GLIS3: variants seen among roughly 807,000 people sequenced by gnomAD.
The protein encoded by GLIS3 is zinc finger protein GLIS3.
Under a neutral mutation model 78.6 loss-of-function variants are expected in GLIS3, and 53 were observed. That is an observed-to-expected ratio of 0.67 (90% CI 0.54 to 0.85). GLIS3 has a LOEUF of 0.85. GLIS3 is among the 40% of genes least tolerant of loss of function. The probability of loss-of-function intolerance (pLI) is 0.00; values close to 1 mark genes in which losing one functional copy is unlikely to be tolerated. For synonymous variants in GLIS3, 684 were observed against 509.9 expected (o/e 1.34, Z -4.60); for missense variants, 1,703 against 1,231.1 (o/e 1.38, Z -5.74).
chr9:4,220,236 T>C (rs1821201839), intron 2 of GLIS3, among the ~76,000 whole-genome samples: 1 of 152,186 alleles, frequency 6.6e-6, no homozygotes, highest in Admixed American at 6.5e-5. Flanking sequence ...GTACAACCAA[T>C]AAATTTAGAA....
chr9:4,437,603 C>T, the GLIS3 span, among the ~76,000 whole-genome samples: 40 of 152,298 alleles, frequency 2.6e-4, no homozygotes, highest in African/African-American at 8.9e-4. Flanking sequence ...TAGTTGACCT[C>T]TGAACAACAT....
At chr9:4,359,026 T>C in the GLIS3 span, among the ~76,000 whole-genome samples, 37 of 152,230 alleles carry the variant, frequency 2.4e-4, no homozygotes, top group Non-Finnish European at 4.6e-4. Flanking sequence ...TGGTGGCTTG[T>C]AGAGGCAGAG....
chr9:4,069,023 G>C (rs1827358597), intron 4 of GLIS3, among the ~76,000 whole-genome samples: 1 of 152,138 alleles, frequency 6.6e-6, no homozygotes, highest in South Asian at 2.1e-4. Flanking sequence ...TAAGTGGCTT[G>C]TTCATGTCAG....
chr9:4,298,248 C>A, intron 1 of GLIS3: 1 of 303,484 alleles, frequency 3.3e-6, no homozygotes. Flanking sequence ...CCCACGCCGG[C>A]CCCCCGGTCC....
At chr9:4,478,225 G>C in the GLIS3 span, among the ~76,000 whole-genome samples, 1 of 152,168 alleles carries the variant, frequency 6.6e-6, no homozygotes, top group East Asian at 1.9e-4. Context: ...GGGATGATTT[G>C]AGCGTGGGAA....
At chr9:4,072,218 T>A (rs532192078) in intron 4 of GLIS3, among the ~76,000 whole-genome samples, 1 of 152,334 alleles carries the variant, frequency 6.6e-6, no homozygotes, top group African/African-American at 2.4e-5. Context: ...TTCTTAGAGG[T>A]CACCTTGATA....
intron 2 of GLIS3, among the ~76,000 whole-genome samples, chr9:4,166,744 A>G (rs1431290589): frequency 6.6e-6 from 1 of 152,252 alleles, no homozygotes; most frequent in Non-Finnish European, 1.5e-5. Context: ...TGAAGGCATA[A>G]GTGAACAGAG....
At chr9:4,160,039 C>T (rs143306767) in intron 2 of GLIS3, among the ~76,000 whole-genome samples, 116 of 152,210 alleles carry the variant, frequency 7.6e-4, no homozygotes, top group African/African-American at 2.6e-3. Flanking sequence ...ATAATGCAAA[C>T]GAACTTTTCC....
intron 6 of GLIS3, among the ~76,000 whole-genome samples, chr9:3,905,931 A>G (rs950178029): frequency 6.6e-6 from 1 of 152,060 alleles, no homozygotes; most frequent in African/African-American, 2.4e-5. Context: ...CCCACATGCT[A>G]TTCTAGATGT....
At chr9:4,205,319 T>C (rs1347520584) in intron 2 of GLIS3, among the ~76,000 whole-genome samples, 1 of 152,192 alleles carries the variant, frequency 6.6e-6, no homozygotes, top group Non-Finnish European at 1.5e-5. Flanking sequence ...GTGATCTGGA[T>C]TTACAGCTCC....
At chr9:3,925,420 G>A (rs890307574) in intron 6 of GLIS3, among the ~76,000 whole-genome samples, 2 of 152,166 alleles carry the variant, frequency 1.3e-5, no homozygotes, top group African/African-American at 2.4e-5. Context: ...CTGGAATAAC[G>A]TGGTGTCTTT....
At chr9:4,249,676 A>G (rs1824164692) in intron 2 of GLIS3, among the ~76,000 whole-genome samples, 1 of 152,168 alleles carries the variant, frequency 6.6e-6, no homozygotes, top group South Asian at 2.1e-4. Context: ...GTGGTGAGAG[A>G]GGACATCCTT....
chr9:4,210,848 A>C (rs73400408), intron 2 of GLIS3, among the ~76,000 whole-genome samples: 5 of 152,122 alleles, frequency 3.3e-5, no homozygotes, highest in African/African-American at 4.8e-5. Context: ...TTGTCCCCCA[A>C]CTTGGAATGT....
At chr9:3,943,280 A>G (rs1816067967) in intron 4 of GLIS3, among the ~76,000 whole-genome samples, 1 of 152,252 alleles carries the variant, frequency 6.6e-6, no homozygotes, top group Non-Finnish European at 1.5e-5. Flanking sequence ...AGGCTTTTAA[A>G]AAGTAGTTCA....
At chr9:4,400,594 T>A in the GLIS3 span, among the ~76,000 whole-genome samples, 1 of 152,350 alleles carries the variant, frequency 6.6e-6, no homozygotes, top group Non-Finnish European at 1.5e-5. Context: ...TCCTCTTCGG[T>A]CTTGATCTTC....
the GLIS3 span, among the ~76,000 whole-genome samples, chr9:4,438,789 G>A: frequency 2.0e-5 from 3 of 152,150 alleles, no homozygotes; most frequent in Admixed American, 6.5e-5. Context: ...TGTAGGACGT[G>A]TCTTGCTTCC....
chr9:4,421,924 T>G, the GLIS3 span, among the ~76,000 whole-genome samples: 1 of 152,312 alleles, frequency 6.6e-6, no homozygotes, highest in South Asian at 2.1e-4. Context: ...AACAATCAGA[T>G]GTTTATTTTC....
intron 9 of GLIS3, among the ~76,000 whole-genome samples, chr9:3,838,391 C>G (rs1204992685): frequency 6.6e-6 from 1 of 152,150 alleles, no homozygotes; most frequent in African/African-American, 2.4e-5. Context: ...CCCTGGCCAA[C>G]CCACACTTTC....
At chr9:3,910,604 G>C (rs1411519049) in intron 6 of GLIS3, among the ~76,000 whole-genome samples, 2 of 152,156 alleles carry the variant, frequency 1.3e-5, no homozygotes, top group East Asian at 1.9e-4. Flanking sequence ...TCCCACTTTG[G>C]CTTCCCAAGG....
Sources: allele counts gnomAD v4.1 joint callset (sites outside exome capture counted in the v4.1 genomes callset), GRCh38; gene constraint gnomAD v4.1.1; transcripts MANE v1.5; gene names NCBI Gene and HGNC (gene_info 2026-07-23, HGNC 2026-07-21).